The following DDX60L variants were observed in gnomAD, a reference collection of about 807,000 sequenced individuals.
The protein encoded by DDX60L is DExD/H-box 60 like, also known as probable ATP-dependent RNA helicase DDX60-like.
A neutral mutation model predicts 211.6 loss-of-function variants in DDX60L; 191 were observed. The ratio of observed to expected loss-of-function variants is 0.90; its 90% CI spans 0.80 to 1.02. The LOEUF (loss-of-function observed/expected upper bound fraction) is 1.02. Ranked by LOEUF, DDX60L falls within the 50% of genes least tolerant of loss-of-function variation. The pLI is 0.00. For synonymous variants in DDX60L, 706 were observed against 694.1 expected, an observed-to-expected ratio of 1.02 and a Z score of -0.27; for missense variants, 2,007 against 1,984.1, an observed-to-expected ratio of 1.01 and a Z score of -0.22.
intron 10 of DDX60L, among the ~76,000 whole-genome samples, chr4:168,435,163 A>G (rs1011121925): frequency 6.6e-6 from 1 of 152,196 alleles, no homozygotes; most frequent in Admixed American, 6.5e-5. Context: ...TCTCAAGTTC[A>G]TCTCACAGTG....
chr4:168,412,551 C>G (rs1748864862), intron 22 of DDX60L, among the ~76,000 whole-genome samples: 1 of 149,766 alleles, frequency 6.7e-6, no homozygotes, highest in African/African-American at 2.4e-5. Context: ...GACTCCAAGC[C>G]CTGGATCCCA....
chr4:168,418,278 GGCTGGT>G (rs1294180037), intron 19 of DDX60L, among the ~76,000 whole-genome samples: 2 of 152,152 alleles, frequency 1.3e-5, no homozygotes, highest in Non-Finnish European at 2.9e-5. Flanking sequence ...ATGTTGGTCA[GGCTGGT>G]CTCGAACTCC....
At chr4:168,393,268 G>A (rs967193445) in intron 28 of DDX60L, among the ~76,000 whole-genome samples, 22 of 152,156 alleles carry the variant, frequency 1.4e-4, no homozygotes, top group African/African-American at 4.3e-4. Context: ...GGCTGAGGTG[G>A]GCTGATTACC....
chr4:168,375,577 A>T, intron 33 of DDX60L, 53 bp from the exon 34 acceptor site: 1 of 1,482,022 alleles, frequency 6.7e-7, no homozygotes, highest in South Asian at 1.4e-5. Context: ...TTAAAAAATT[A>T]AACTGCTTGG....
At chr4:168,359,844 G>C (rs1285029525) in intron 37 of DDX60L, among the ~76,000 whole-genome samples, 1 of 151,986 alleles carries the variant, frequency 6.6e-6, no homozygotes, top group East Asian at 1.9e-4. Flanking sequence ...TCCACATTCT[G>C]TACTCCACCA....
chr4:168,419,977 G>C (rs1354792220), intron 18 of DDX60L, among the ~76,000 whole-genome samples: 4 of 152,108 alleles, frequency 2.6e-5, no homozygotes. Context: ...TAATGCATTG[G>C]GTTTGTCAAA....
intron 24 of DDX60L, among the ~76,000 whole-genome samples, chr4:168,404,631 T>C (rs1047061831): frequency 6.6e-6 from 1 of 152,084 alleles, no homozygotes; most frequent in African/African-American, 2.4e-5. Context: ...CAATGGCCAA[T>C]AGAAGTGTAA....
chr4:168,394,099 A>G (rs554406658), intron 28 of DDX60L, among the ~76,000 whole-genome samples: 1 of 152,146 alleles, frequency 6.6e-6, no homozygotes, highest in South Asian at 2.1e-4. Flanking sequence ...GGACGGCTAA[A>G]GTAGGAAAAT....
At chr4:168,456,948 C>A (rs1756649227) in intron 6 of DDX60L, among the ~76,000 whole-genome samples, 1 of 152,002 alleles carries the variant, frequency 6.6e-6, no homozygotes, top group Non-Finnish European at 1.5e-5. Context: ...TGGTGGCTCA[C>A]AGCTATAATC....
chr4:168,446,043 G>A (rs1341207620), intron 9 of DDX60L, among the ~76,000 whole-genome samples: 2 of 150,142 alleles, frequency 1.3e-5, no homozygotes, highest in Non-Finnish European at 3.0e-5. Flanking sequence ...AATTAGGCAG[G>A]AGAAGGAAAT....
At chr4:168,477,316 G>T (rs946382041) in intron 1 of DDX60L, among the ~76,000 whole-genome samples, 24 of 152,100 alleles carry the variant, frequency 1.6e-4, no homozygotes, top group African/African-American at 5.8e-4. Flanking sequence ...TCAGGAGGCT[G>T]AGGCAGGAGA....
At chr4:168,398,624 T>C (rs1661361014) in intron 26 of DDX60L, among the ~76,000 whole-genome samples, 1 of 152,178 alleles carries the variant, frequency 6.6e-6, no homozygotes, top group Non-Finnish European at 1.5e-5. Context: ...TAACGGTGCT[T>C]TCTCCAGGCC....
intron 16 of DDX60L, 94 bp from the exon 17 acceptor site, chr4:168,422,003 T>C (rs1350657175): frequency 2.0e-6 from 3 of 1,501,604 alleles, no homozygotes; most frequent in Non-Finnish European, 2.7e-6. Context: ...CTCCTGTGCC[T>C]GTATTATGCT....
At chr4:168,449,739 G>C (rs1454448487) in intron 8 of DDX60L, among the ~76,000 whole-genome samples, 2 of 122,468 alleles carry the variant, frequency 1.6e-5, no homozygotes, top group Non-Finnish European at 3.4e-5. Context: ...TAGGCTGCAA[G>C]AAGCAATGGT....
In DDX60L at chr4:168,471,486, T is replaced by C. The variant is rs567696797; in HGVS notation, c.264+261A>G. On this transcript the variant is annotated intron_variant, in intron 4 of 37. Coordinates refer to ENST00000682922, the MANE Select transcript of DDX60L (RefSeq NM_001012967.3). Reference sequence around the variant, plus strand: ...GGAGGTAGAGTAAACCTACCCAATATACCCCTCAGCCCAGGCTCTGTGCCT... The same window carrying C: ...GGAGGTAGAGTAAACCTACCCAATACACCCCTCAGCCCAGGCTCTGTGCCT... 3 of 278,034 alleles carry C rather than the reference T, an allele frequency of 1.1e-5. No individual in the cohort carries two copies. In the South Asian group the frequency reaches 3.3e-4, roughly 30 times the overall value. The allele number at this position is 278,034 out of a possible 1,614,324, so 17.2% of individuals were successfully genotyped here.
intron 19 of DDX60L, among the ~76,000 whole-genome samples, chr4:168,417,013 C>A (rs1159130098): frequency 6.6e-6 from 1 of 152,114 alleles, no homozygotes; most frequent in Non-Finnish European, 1.5e-5. Context: ...ATTCCAATTC[C>A]AAAAATCTAT....
chr4:168,449,819 A>T (rs1044365963), intron 8 of DDX60L, among the ~76,000 whole-genome samples: 5 of 151,244 alleles, frequency 3.3e-5, no homozygotes, highest in Admixed American at 6.6e-5. Context: ...AAAAAAAAAA[A>T]AAAAGAGGTT....
At chr4:168,382,567 T>C (rs1454237568) in intron 30 of DDX60L, among the ~76,000 whole-genome samples, 6 of 152,146 alleles carry the variant, frequency 3.9e-5, no homozygotes, top group African/African-American at 1.2e-4. Flanking sequence ...CATTTGAGAA[T>C]ACATTCAATC....
chr4:168,470,713 G>A (rs112194612), intron 4 of DDX60L: 1,817 of 159,720 alleles, frequency 0.011, 48 homozygotes, highest in African/African-American at 0.042. Context: ...GGTGGCACGC[G>A]CCTGTAATCC....
Sources: allele counts gnomAD v4.1 joint callset (sites outside exome capture counted in the v4.1 genomes callset), GRCh38; gene constraint gnomAD v4.1.1; transcripts MANE v1.5; gene names NCBI Gene and HGNC (gene_info 2026-07-23, HGNC 2026-07-21).